Variants in SAMMSON observed in about 807,000 individuals in gnomAD.
The protein encoded by SAMMSON is survival associated mitochondrial melanoma specific oncogenic non-coding RNA.
At chr3:70,208,597 A>G (rs1701312708) in intron 4 of SAMMSON, among the ~76,000 whole-genome samples, 1 of 152,066 alleles carries the variant, frequency 6.6e-6, no homozygotes, top group African/African-American at 2.4e-5. Context: ...TCCTCAGGTG[A>G]TTCCGACATG....
chr3:70,345,863 G>A (rs904147279), intron 7 of SAMMSON, among the ~76,000 whole-genome samples: 1 of 152,050 alleles, frequency 6.6e-6, no homozygotes, highest in Non-Finnish European at 1.5e-5. Flanking sequence ...TTATATGCTT[G>A]TACCACAGTT....
intron 4 of SAMMSON, among the ~76,000 whole-genome samples, chr3:70,151,789 T>C (rs2067573175): frequency 6.6e-6 from 1 of 152,048 alleles, no homozygotes. Context: ...ATTTGCTTTC[T>C]GCTTTTATTG....
At chr3:70,185,807 CAA>C (rs34529551) in intron 4 of SAMMSON, among the ~76,000 whole-genome samples, 10 of 102,942 alleles carry the variant, frequency 9.7e-5, no homozygotes, top group African/African-American at 1.2e-4. Context: ...CCCGCCTCTA[CAA>C]AAAAAAAAAA....
intron 4 of SAMMSON, among the ~76,000 whole-genome samples, chr3:70,133,241 GGTTGA>G (rs2067490859): frequency 6.6e-6 from 1 of 152,056 alleles, no homozygotes; most frequent in South Asian, 2.1e-4. Flanking sequence ...CGTGACTGAA[GGTTGA>G]GTTGATTACC....
chr3:70,427,763 A>G (rs1199175153), intron 2 of SAMMSON, among the ~76,000 whole-genome samples: 1 of 151,400 alleles, frequency 6.6e-6, no homozygotes, highest in Non-Finnish European at 1.5e-5. Context: ...AAAATGTCCA[A>G]AAGATCTCTC....
At chr3:70,013,028 C>G (rs1376959071) in intron 2 of SAMMSON, among the ~76,000 whole-genome samples, 1 of 152,050 alleles carries the variant, frequency 6.6e-6, no homozygotes, top group African/African-American at 2.4e-5. Context: ...AACATACTTG[C>G]TGTGTCATTT....
chr3:70,413,939 G>A (rs1701242506), intron 2 of SAMMSON, among the ~76,000 whole-genome samples: 1 of 151,942 alleles, frequency 6.6e-6, no homozygotes, highest in Non-Finnish European at 1.5e-5. Flanking sequence ...GCTCAATATT[G>A]TTTTCTAGCT....
At chr3:70,197,282 C>T in intron 4 of SAMMSON, 1 of 397,542 alleles carries the variant, frequency 2.5e-6, no homozygotes, top group Non-Finnish European at 4.4e-6. Context: ...TGATAGCCAA[C>T]TCTTAATTAT....
chr3:70,042,352 T>C (rs749437003), intron 3 of SAMMSON, among the ~76,000 whole-genome samples: 2 of 152,086 alleles, frequency 1.3e-5, no homozygotes, highest in Non-Finnish European at 2.9e-5. Context: ...CAGTGCCTAC[T>C]AAGCAATCCA....
upstream of SAMMSON, chr3:69,999,771 C>T (rs962956531): frequency 3.9e-5 from 6 of 152,572 alleles, no homozygotes; most frequent in African/African-American, 7.2e-5. Context: ...TTGAGGAACA[C>T]ATCCGGGGAA....
intron 7 of SAMMSON, among the ~76,000 whole-genome samples, chr3:70,324,753 C>A (rs1485279222): frequency 6.6e-6 from 1 of 151,952 alleles, no homozygotes; most frequent in South Asian, 2.1e-4. Context: ...TTCAGAAGAT[C>A]GAACAAGAGA....
intron 3 of SAMMSON, among the ~76,000 whole-genome samples, chr3:70,034,531 G>A (rs1002555417): frequency 6.6e-6 from 1 of 152,120 alleles, no homozygotes; most frequent in Non-Finnish European, 1.5e-5. Flanking sequence ...CACCCCTGGA[G>A]TGCAGAGAAA....
Position 70,295,758 on chromosome 3 carries a change from G to T in SAMMSON, n.739+4515G>T, listed in dbSNP as rs547946461. ...AATATTTTAAAGTGCTGTATCTTTT[G>T]ATCTGTGATATCTTTTGATTCATGT... On this transcript the variant is annotated intron_variant and non_coding_transcript_variant, in intron 7 of 9. Transcript: ENST00000642114. Among the ~76,000 whole-genome samples the T allele has an allele frequency of 1.2e-3, 190 of 152,220 alleles. 2 individuals carry two copies. Among genetic ancestry groups the T allele is most frequent in the Middle Eastern group, 3.4e-3 (1 of 294 alleles).
At chr3:70,357,464 T>A (rs992083845) in intron 8 of SAMMSON, among the ~76,000 whole-genome samples, 3 of 152,180 alleles carry the variant, frequency 2.0e-5, no homozygotes, top group Admixed American at 6.5e-5. Flanking sequence ...ATGAATGTGA[T>A]GTTTTTAAAT....
intron 4 of SAMMSON, among the ~76,000 whole-genome samples, chr3:70,087,515 C>T (rs1319955025): frequency 6.6e-6 from 1 of 152,060 alleles, no homozygotes; most frequent in Admixed American, 6.5e-5. Flanking sequence ...TTTGTGGATT[C>T]CTTCCACAGG....
At chr3:70,223,847 T>C (rs1336118330) in intron 4 of SAMMSON, among the ~76,000 whole-genome samples, 5 of 152,194 alleles carry the variant, frequency 3.3e-5, no homozygotes, top group African/African-American at 7.2e-5. Context: ...GGCACCCTTT[T>C]AGACTTAATC....
intron 4 of SAMMSON, among the ~76,000 whole-genome samples, chr3:70,176,080 C>T (rs1701006872): frequency 6.6e-6 from 1 of 152,140 alleles, no homozygotes. Flanking sequence ...TTTGAGTTCA[C>T]TAAATTCACC....
intron 4 of SAMMSON, among the ~76,000 whole-genome samples, chr3:70,245,779 T>A (rs985810734): frequency 2.1e-5 from 3 of 145,278 alleles, no homozygotes; most frequent in Admixed American, 1.4e-4. Context: ...AAGGACATCA[T>A]GAAGGTTGAC....
intron 2 of SAMMSON, among the ~76,000 whole-genome samples, chr3:70,410,868 T>C (rs952243827): frequency 1.3e-5 from 2 of 152,198 alleles, no homozygotes; most frequent in African/African-American, 2.4e-5. Flanking sequence ...TCCAAAAATA[T>C]TGTCTCTTTT....
Sources: allele counts gnomAD v4.1 joint callset (sites outside exome capture counted in the v4.1 genomes callset), GRCh38; gene constraint gnomAD v4.1.1; transcripts MANE v1.5; gene names NCBI Gene and HGNC (gene_info 2026-07-23, HGNC 2026-07-21).